DDX19B: variants seen among roughly 807,000 people sequenced by gnomAD.
The protein encoded by DDX19B is ATP-dependent RNA helicase DDX19B.
Under a neutral mutation model 58.1 loss-of-function variants are expected in DDX19B, and 27 were observed. The ratio of observed to expected loss-of-function variants is 0.46; its 90% CI spans 0.34 to 0.64. DDX19B has a LOEUF of 0.64. Ranked by LOEUF, DDX19B falls within the 30% of genes least tolerant of loss-of-function variation. The pLI is 0.01. For missense variants in DDX19B, 399 were observed against 596.5 expected (o/e 0.67, Z 3.45); for synonymous variants, 187 against 214.4 (o/e 0.87, Z 1.12).
intron 1 of DDX19B, among the ~76,000 whole-genome samples, chr16:70,306,043 A>G (rs943642340): frequency 1.6e-4 from 24 of 152,112 alleles, no homozygotes; most frequent in African/African-American, 4.8e-4. Flanking sequence ...GATTACAGGC[A>G]TGACCCACAG....
chr16:70,316,210 A>ATT, intron 4 of DDX19B, 106 bp downstream of exon 4: 7 of 1,322,834 alleles, frequency 5.3e-6, no homozygotes, highest in East Asian at 4.9e-5. Flanking sequence ...TAGCTAACCA[A>ATT]GTTTTTTTTT....
At chr16:70,290,788 G>C (rs1434450883), upstream of DDX19B, among the ~76,000 whole-genome samples, 1 of 152,152 alleles carries the variant, frequency 6.6e-6, no homozygotes, top group East Asian at 1.9e-4. Context: ...AGGTCAGCTG[G>C]AGTCCCCTTT....
intron 1 of DDX19B, among the ~76,000 whole-genome samples, chr16:70,300,643 C>G (rs1961444899): frequency 6.6e-6 from 1 of 152,310 alleles, no homozygotes; most frequent in East Asian, 1.9e-4. Context: ...GATCCTCCCA[C>G]CTCAGCTTCC....
At position 70,330,029 on chromosome 16, in the gene DDX19B, C is replaced by T. The variant is rs760749310; in HGVS notation, c.984C>T (p.Tyr328=). 42 of 1,613,884 alleles carry T rather than the reference C, an allele frequency of 2.6e-5. No individual in the cohort carries two copies. Among genetic ancestry groups the T allele is most frequent in the South Asian group, 3.3e-5 (3 of 91,082 alleles). The change falls in exon 9 of 12, where the codon TAC becomes TAT. Residue 328 remains tyrosine (Y), a synonymous_variant. Coordinates refer to ENST00000288071, the MANE Select transcript of DDX19B (RefSeq NM_007242.7). ...AGTTCCAGGCCTTGTGTAACCTCTA[C>T]GGGGCCATCACCATTGCTCAAGCCA... is the stretch of plus-strand genomic sequence containing the variant. ...DEKFQALCNL[Y]GAITIAQAMI...
rs1173075192 is a variant in DDX19B, at chr16:70,315,795, A to C, written c.161-174A>C. 4 of 915,198 alleles carry C rather than the reference A, an allele frequency of 4.4e-6. No individual in the cohort carries two copies. In the East Asian group the frequency reaches 1.1e-4, roughly 25 times the overall value. The allele number at this position is 915,198 out of a possible 1,614,324, so 56.7% of individuals were successfully genotyped here. A position where few individuals can be genotyped will look rare whatever the true frequency, so the allele number is the denominator to read the frequency against. ...ATGAGGCCTAAATGGGTGATGTATC[A>C]TAACTTTTTTCTTTAATAAAACTAT... is the stretch of plus-strand genomic sequence containing the variant. On this transcript the variant is annotated intron_variant, in intron 3 of 11. Transcript: ENST00000288071.
intron 1 of DDX19B, among the ~76,000 whole-genome samples, chr16:70,304,199 C>T (rs936426288): frequency 3.3e-5 from 5 of 151,538 alleles, no homozygotes; most frequent in Non-Finnish European, 7.4e-5. Flanking sequence ...CACCACTATG[C>T]CCAGCTAATT....
chr16:70,302,047 A>T (rs2152184729), intron 1 of DDX19B, among the ~76,000 whole-genome samples: 1 of 151,576 alleles, frequency 6.6e-6, no homozygotes, highest in South Asian at 2.1e-4. Context: ...CAGCCTCCCG[A>T]GTAGCTGGGA....
chr16:70,315,481 A>C (rs1320643064), intron 3 of DDX19B, among the ~76,000 whole-genome samples: 1 of 152,142 alleles, frequency 6.6e-6, no homozygotes, highest in Non-Finnish European at 1.5e-5. Flanking sequence ...TTAACAACTG[A>C]ACAGTTGAAT....
chr16:70,294,898 T>A (rs903230854), upstream of DDX19B: 210 of 1,527,170 alleles, frequency 1.4e-4, no homozygotes, highest in Non-Finnish European at 1.7e-4. Flanking sequence ...CGGTTTCCCA[T>A]CACCCTGCCT....
chr16:70,310,759 G>C (rs775483237), intron 1 of DDX19B, among the ~76,000 whole-genome samples: 1 of 151,778 alleles, frequency 6.6e-6, no homozygotes, highest in Non-Finnish European at 1.5e-5. Flanking sequence ...GGCCAGGTGC[G>C]GTGGCTCATG....
intron 5 of DDX19B, among the ~76,000 whole-genome samples, chr16:70,323,500 T>C (rs1415689533): frequency 2.0e-5 from 3 of 151,650 alleles, no homozygotes; most frequent in Non-Finnish European, 2.9e-5. Flanking sequence ...CTCGGCTCAC[T>C]GCAACCTCTG....
At position 70,331,827 on chromosome 16, in the gene DDX19B, G is replaced by C. The variant is rs201138312; in HGVS notation, c.1129G>C (p.Glu377Gln). The C allele has an allele frequency of 3.7e-6, 6 of 1,613,994 alleles. No individual in the cohort carries two copies. ...MMVEQRAAVI[E>Q]RFREGKEKVL... ...GGTGGAACAGAGGGCTGCAGTGATT[G>C]AGCGCTTCCGAGAGGGCAAAGAGAA... The change falls in exon 10 of 12, where the codon GAG (glutamate) becomes CAG (glutamine). Residue 377 changes from glutamate to glutamine, a missense_variant. Glu to Gln is a conservative substitution (Grantham distance 29). Transcript: ENST00000288071.
intron 1 of DDX19B, among the ~76,000 whole-genome samples, chr16:70,300,989 A>C (rs1233192189): frequency 1.3e-5 from 2 of 151,824 alleles, no homozygotes; most frequent in Non-Finnish European, 2.9e-5. Flanking sequence ...TATCAATTCC[A>C]TTTCTCCTAG....
intron 2 of DDX19B, among the ~76,000 whole-genome samples, chr16:70,313,833 G>C (rs995526379): frequency 6.6e-6 from 1 of 152,170 alleles, no homozygotes; most frequent in Non-Finnish European, 1.5e-5. Flanking sequence ...TATAGGCCGG[G>C]TGTGGTGGCT....
upstream of DDX19B, among the ~76,000 whole-genome samples, chr16:70,296,735 C>T (rs1961238964): frequency 6.6e-6 from 1 of 151,702 alleles, no homozygotes; most frequent in Non-Finnish European, 1.5e-5. Context: ...TGTGTAAGGT[C>T]AAAAACAAAA....
chr16:70,327,403 T>C (rs1270850236), intron 7 of DDX19B, among the ~76,000 whole-genome samples: 1 of 151,960 alleles, frequency 6.6e-6, no homozygotes, highest in Non-Finnish European at 1.5e-5. Context: ...TGTGGTGGCA[T>C]GTGCCTGTCG....
At chr16:70,330,203 G>A (rs188288583) in intron 9 of DDX19B, 135 bp downstream of exon 9, 21 of 952,914 alleles carry the variant, frequency 2.2e-5, no homozygotes, top group African/African-American at 1.3e-4. Flanking sequence ...TTAGTGAGTC[G>A]TAAGAGGGAG....
At chr16:70,294,970 C>G, upstream of DDX19B, 1 of 1,447,518 alleles carries the variant, frequency 6.9e-7, no homozygotes. Flanking sequence ...GTTTAGGTGC[C>G]TTCCTCGCCC....
chr16:70,324,498 T>TA, intron 5 of DDX19B, 87 bp from the exon 6 acceptor site: 2 of 1,145,142 alleles, frequency 1.7e-6, no homozygotes, highest in Non-Finnish European at 2.5e-6. Context: ...AGGTCTCCTA[T>TA]AAATGAATTT....
Sources: gnomAD v4.1 joint callset for allele counts (sites outside exome capture counted in the v4.1 genomes callset) on GRCh38, gnomAD v4.1.1 for gene constraint, MANE v1.5 for transcripts, NCBI Gene and HGNC (gene_info 2026-07-23, HGNC 2026-07-21) for gene names.